Variants in SGCD observed in about 807,000 individuals in gnomAD.
SGCD encodes delta-sarcoglycan.
A neutral mutation model predicts 36.6 loss-of-function variants in SGCD; 18 were observed. That is an observed-to-expected ratio of 0.49 (90% confidence interval 0.34 to 0.73). The LOEUF is 0.73. SGCD is among the 30% of genes least tolerant of loss of function. SGCD has a pLI of 0.01. For missense variants in SGCD, 387 were observed against 346.7 expected, an observed-to-expected ratio of 1.12 and a Z score of -0.92; for synonymous variants, 133 against 130.6, an observed-to-expected ratio of 1.02 and a Z score of -0.12.
chr5:156,342,931 G>T (rs1164104433), intron 2 of SGCD, among the ~76,000 whole-genome samples: 1 of 152,104 alleles, frequency 6.6e-6, no homozygotes, highest in Non-Finnish European at 1.5e-5. Context: ...ACTGATTTCG[G>T]CACTAGGGTA....
chr5:156,196,118 T>C (rs1581162053), intron 3 of SGCD, among the ~76,000 whole-genome samples: 1 of 152,090 alleles, frequency 6.6e-6, no homozygotes, highest in East Asian at 1.9e-4. Context: ...CCCTTTATTT[T>C]CCCAGACCTA....
At chr5:156,099,771 A>G (rs957182947) in intron 1 of SGCD, among the ~76,000 whole-genome samples, 6 of 152,122 alleles carry the variant, frequency 3.9e-5, no homozygotes, top group Admixed American at 1.3e-4. Flanking sequence ...ATTCTCAGTA[A>G]AAACTTACAA....
intron 3 of SGCD, among the ~76,000 whole-genome samples, chr5:156,502,210 C>G (rs1251354876): frequency 4.0e-5 from 6 of 151,574 alleles, no homozygotes. Context: ...CCACCCCTGG[C>G]TAATTTTTTG....
intron 1 of SGCD, among the ~76,000 whole-genome samples, chr5:156,021,559 G>A (rs892812833): frequency 6.6e-6 from 1 of 152,160 alleles, no homozygotes; most frequent in Non-Finnish European, 1.5e-5. Flanking sequence ...ACATGCAGGT[G>A]TATAGGGTGA....
intron 7 of SGCD, among the ~76,000 whole-genome samples, chr5:156,720,612 TG>T (rs1199913921): frequency 6.6e-6 from 1 of 152,200 alleles, no homozygotes; most frequent in East Asian, 1.9e-4. Flanking sequence ...CTGTCTGAGG[TG>T]GCTACCACCT....
At chr5:156,403,982 G>A (rs1383084534) in intron 3 of SGCD, among the ~76,000 whole-genome samples, 1 of 151,938 alleles carries the variant, frequency 6.6e-6, no homozygotes, top group East Asian at 1.9e-4. Flanking sequence ...TACAGGTGGT[G>A]CACCAACATG....
intron 3 of SGCD, among the ~76,000 whole-genome samples, chr5:156,374,732 G>A (rs997388573): frequency 3.4e-5 from 5 of 148,582 alleles, no homozygotes; most frequent in Non-Finnish European, 4.4e-5. Flanking sequence ...TGCGATCTTG[G>A]CTCACTGCAA....
At chr5:155,975,778 T>C (rs35087560) in intron 1 of SGCD, among the ~76,000 whole-genome samples, 57,216 of 150,854 alleles carry the variant, frequency 0.38, 11,088 homozygotes, top group South Asian at 0.46. Context: ...TACAGGCACC[T>C]GCTACCATGG....
intron 4 of SGCD, among the ~76,000 whole-genome samples, chr5:156,572,590 C>A (rs1187395176): frequency 6.6e-6 from 1 of 152,088 alleles, no homozygotes; most frequent in Admixed American, 6.6e-5. Flanking sequence ...AACCTGAAGT[C>A]TTTTATCAAT....
chr5:156,744,980 C>T (rs539497316), intron 7 of SGCD, among the ~76,000 whole-genome samples: 11 of 152,278 alleles, frequency 7.2e-5, no homozygotes, highest in South Asian at 6.2e-4. Context: ...CCTAAAGGAG[C>T]GTGAGAACAC....
intron 3 of SGCD, among the ~76,000 whole-genome samples, chr5:156,315,564 A>T (rs1480924193): frequency 6.6e-6 from 1 of 151,928 alleles, no homozygotes; most frequent in Non-Finnish European, 1.5e-5. Context: ...TTTCCTTTGG[A>T]TGTATACACA....
chr5:156,510,278 T>C (rs998175860), intron 4 of SGCD, among the ~76,000 whole-genome samples: 2 of 152,194 alleles, frequency 1.3e-5, no homozygotes, highest in South Asian at 2.1e-4. Flanking sequence ...TTTACTGTCA[T>C]TGAGAAACCT....
Position 156,090,639 on chromosome 5 carries a change from C to G in SGCD, c.-281-27239C>G, listed in dbSNP as rs962856001. On this transcript the variant is annotated intron_variant, in intron 1 of 9. Transcript: ENST00000517913. ...GAAACAGGGTTTGAGAGCAGACAAC[C>G]GGTCTGACTAGAATTCACCAGGCTG... Among the ~76,000 whole-genome samples the G allele has an allele frequency of 3.9e-5, 6 of 152,222 alleles. No individual in the cohort carries two copies. The South Asian group carries it at 1.2e-3, about 32-fold the overall frequency.
chr5:156,151,075 C>T (rs1377249873), intron 3 of SGCD, among the ~76,000 whole-genome samples: 2 of 151,700 alleles, frequency 1.3e-5, no homozygotes, highest in African/African-American at 2.4e-5. Context: ...TTCAGTAACA[C>T]ATTAATATAA....
chr5:156,723,313 TG>T (rs1332406872), intron 7 of SGCD, among the ~76,000 whole-genome samples: 2 of 152,202 alleles, frequency 1.3e-5, no homozygotes, highest in East Asian at 3.8e-4. Context: ...ATTCAGTGGC[TG>T]CAGGCTCCAA....
the SGCD span, among the ~76,000 whole-genome samples, chr5:155,821,471 G>A: frequency 2.6e-5 from 4 of 151,970 alleles, no homozygotes; most frequent in African/African-American, 9.7e-5. Flanking sequence ...CCACCACCAC[G>A]CCCGGCTAAT....
chr5:156,268,091 T>A (rs898125332), intron 3 of SGCD, among the ~76,000 whole-genome samples: 4 of 152,206 alleles, frequency 2.6e-5, no homozygotes, highest in African/African-American at 9.6e-5. Flanking sequence ...TGCAGTATTT[T>A]GTTTTCTGTT....
chr5:156,465,686 T>C (rs368674798), intron 3 of SGCD, among the ~76,000 whole-genome samples: 4 of 152,322 alleles, frequency 2.6e-5, no homozygotes, highest in African/African-American at 9.6e-5. Flanking sequence ...AAAAGTTAAC[T>C]TTCTCTTGTC....
At chr5:155,991,959 C>T (rs1758440411) in intron 1 of SGCD, among the ~76,000 whole-genome samples, 1 of 152,118 alleles carries the variant, frequency 6.6e-6, no homozygotes, top group African/African-American at 2.4e-5. Context: ...TATTTTTCTG[C>T]CTTTCTTCAT....
Sources: allele counts gnomAD v4.1 joint callset (sites outside exome capture counted in the v4.1 genomes callset), GRCh38; gene constraint gnomAD v4.1.1; transcripts MANE v1.5; gene names NCBI Gene and HGNC (gene_info 2026-07-23, HGNC 2026-07-21).